The following SUGCT variants were observed in gnomAD, a reference collection of about 807,000 sequenced individuals.
The protein encoded by SUGCT is succinyl-CoA:glutarate-CoA transferase.
In SUGCT, 41 loss-of-function variants were observed where a neutral mutation model predicts 55.0. The ratio of observed to expected loss-of-function variants is 0.74; its 90% CI spans 0.58 to 0.97. The LOEUF is 0.97. SUGCT is among the 50% of genes least tolerant of loss of function. The probability of loss-of-function intolerance (pLI) is 0.00; values close to 1 mark genes in which losing one functional copy is unlikely to be tolerated. For synonymous variants in SUGCT, 187 were observed against 200.4 expected, an observed-to-expected ratio of 0.93 and a Z score of 0.56; for missense variants, 568 against 547.8, an observed-to-expected ratio of 1.04 and a Z score of -0.37.
chr7:40,832,184 G>A (rs1053212617), intron 13 of SUGCT, among the ~76,000 whole-genome samples: 2 of 152,122 alleles, frequency 1.3e-5, no homozygotes, highest in Admixed American at 6.5e-5. Flanking sequence ...ACAGAGTCCT[G>A]AAAAGTAACC....
At chr7:40,846,920 TC>T (rs1276184132) in intron 13 of SUGCT, among the ~76,000 whole-genome samples, 4 of 152,186 alleles carry the variant, frequency 2.6e-5, no homozygotes, top group Non-Finnish European at 4.4e-5. Context: ...CCTTTTAAAT[TC>T]ATTTAGTGCA....
chr7:40,861,218 G>C (rs1002764778), downstream of SUGCT, among the ~76,000 whole-genome samples: 1 of 152,170 alleles, frequency 6.6e-6, no homozygotes, highest in African/African-American at 2.4e-5. Context: ...ACCTTATTTT[G>C]AGCCAAGTGA....
chr7:40,607,356 G>A (rs1798578872), intron 12 of SUGCT, among the ~76,000 whole-genome samples: 1 of 152,096 alleles, frequency 6.6e-6, no homozygotes, highest in Non-Finnish European at 1.5e-5. Context: ...CTCTCACCTA[G>A]GCCTCCCAAG....
chr7:40,707,700 A>G (rs543878553), intron 12 of SUGCT, among the ~76,000 whole-genome samples: 1 of 152,360 alleles, frequency 6.6e-6, no homozygotes, highest in South Asian at 2.1e-4. Context: ...CCACAGGCAC[A>G]TATACCACAA....
chr7:40,360,668 G>A (rs1190479976), intron 9 of SUGCT, among the ~76,000 whole-genome samples: 1 of 152,196 alleles, frequency 6.6e-6, no homozygotes, highest in Non-Finnish European at 1.5e-5. Flanking sequence ...CTCTGTTGAA[G>A]GCAGGTGAGG....
chr7:40,439,061 G>GGTATATATATATGT lies in SUGCT; in HGVS notation c.817-10224_817-10223insATATATATATGTGT, dbSNP rs5883731. ...GTATATATATATATGGTATATATAT[G>GGTATATATATATGT]GTGTATATATATATATATATATATA... On this transcript the variant is annotated intron_variant, in intron 9 of 13. Transcript: ENST00000335693. Among the ~76,000 whole-genome samples, 44 of 51,868 alleles carry GGTATATATATATGT rather than the reference G, an allele frequency of 8.5e-4. 5 individuals are homozygous for GGTATATATATATGT. Among genetic ancestry groups the GGTATATATATATGT allele is most frequent in the African/African-American group, 1.9e-3 (16 of 8,430 alleles). 34.0% of individuals were successfully genotyped at this position (51,868 alleles called of 152,430 possible). A position where few individuals can be genotyped will look rare whatever the true frequency, so the allele number is the denominator to read the frequency against.
the SUGCT span, among the ~76,000 whole-genome samples, chr7:40,930,221 A>G: frequency 1.3e-5 from 2 of 152,190 alleles, no homozygotes; most frequent in Non-Finnish European, 2.9e-5. Context: ...GTCAAAGAAC[A>G]GACAGTTGTA....
the SUGCT span, among the ~76,000 whole-genome samples, chr7:41,012,282 G>A: frequency 6.6e-6 from 1 of 152,062 alleles, no homozygotes; most frequent in Non-Finnish European, 1.5e-5. Flanking sequence ...TTCCATCACA[G>A]CTCAAGCTCA....
At chr7:40,552,340 CT>C (rs1381581520) in intron 12 of SUGCT, among the ~76,000 whole-genome samples, 2 of 152,180 alleles carry the variant, frequency 1.3e-5, no homozygotes, top group Admixed American at 1.3e-4. Context: ...CATTTCCTGA[CT>C]GCTGTTCCTG....
At position 40,570,483 on chromosome 7, in the gene SUGCT, CAAG is replaced by C. The variant is rs574346180; in HGVS notation, c.1089+74098_1089+74100del. On this transcript the variant is annotated intron_variant, in intron 12 of 13. Coordinates refer to ENST00000335693, the MANE Select transcript of SUGCT (RefSeq NM_001193313.2). ...AGCGTGGTTAGAGCTTAATGTGAGA[CAAG>C]GAGAATGGAACAAGAAGAGACTGGA... 2.8e-3 allele frequency among the ~76,000 whole-genome samples: 432 copies of C among 152,220 alleles called. 3 individuals are homozygous for C. Among genetic ancestry groups the C allele is most frequent in the African/African-American group, 9.7e-3 (402 of 41,522 alleles).
chr7:40,970,755 T>C, the SUGCT span, among the ~76,000 whole-genome samples: 3 of 152,126 alleles, frequency 2.0e-5, no homozygotes, highest in African/African-American at 7.2e-5. Context: ...ACATGAGCAT[T>C]TGCCTGGCTG....
At chr7:40,566,866 A>C (rs560297164) in intron 12 of SUGCT, among the ~76,000 whole-genome samples, 1 of 152,328 alleles carries the variant, frequency 6.6e-6, no homozygotes, top group Non-Finnish European at 1.5e-5. Context: ...TTCCCTATAC[A>C]ACACTATTTT....
At chr7:40,725,511 C>T (rs187123589) in intron 12 of SUGCT, among the ~76,000 whole-genome samples, 51 of 151,902 alleles carry the variant, frequency 3.4e-4, no homozygotes, top group Non-Finnish European at 6.2e-4. Context: ...CTACCTATTA[C>T]GTAGGTGGCC....
chr7:40,532,608 T>A (rs927733062), intron 12 of SUGCT, among the ~76,000 whole-genome samples: 1 of 151,828 alleles, frequency 6.6e-6, no homozygotes, highest in Non-Finnish European at 1.5e-5. Flanking sequence ...TTACTTTTAA[T>A]CTGTAGTGTG....
At chr7:40,435,545 C>G (rs1290915841) in intron 9 of SUGCT, among the ~76,000 whole-genome samples, 1 of 152,144 alleles carries the variant, frequency 6.6e-6, no homozygotes, top group Non-Finnish European at 1.5e-5. Flanking sequence ...CAGATACTGT[C>G]TTAGACGCTT....
rs188800907 is a variant in SUGCT, at chr7:40,562,268, C to T, written c.1089+65882C>T. ...GAGTCGAGATCGCGTGACTGCACTCCAGCCTGGGCGACAGAGCGAGATTCC... is the reference window on the plus strand; with the variant it reads ...GAGTCGAGATCGCGTGACTGCACTCTAGCCTGGGCGACAGAGCGAGATTCC... On this transcript the variant is annotated intron_variant, in intron 12 of 13. Transcript: ENST00000335693. Among the ~76,000 whole-genome samples the T allele has an allele frequency of 3.8e-3, 557 of 148,150 alleles. 5 individuals carry two copies. The highest frequency in any genetic ancestry group is 0.013 in the African/African-American group (504 of 39,942).
intron 12 of SUGCT, among the ~76,000 whole-genome samples, chr7:40,688,833 AAGT>A (rs947211864): frequency 2.0e-4 from 31 of 152,214 alleles, no homozygotes; most frequent in African/African-American, 6.7e-4. Context: ...ATTAAATTAA[AAGT>A]AGCATATTTG....
rs549573590 is a variant in SUGCT, at chr7:40,269,482, C to G, written c.577-5031C>G. Among the ~76,000 whole-genome samples the G allele has an allele frequency of 3.9e-5, 6 of 152,116 alleles. No individual in the cohort carries two copies. In the South Asian group the frequency reaches 1.2e-3, roughly 32 times the overall value. The stretch of plus-strand genomic sequence containing the variant: ...GGACCACAGGTGTGCACCACTATGT[C>G]TGGCTAATTTTTGTATTTATCGTAG... On this transcript the variant is annotated intron_variant, in intron 7 of 13. Transcript: ENST00000335693.
intron 12 of SUGCT, among the ~76,000 whole-genome samples, chr7:40,657,701 A>AT (rs756460920): frequency 4.0e-4 from 61 of 152,040 alleles, no homozygotes; most frequent in African/African-American, 1.2e-3. Flanking sequence ...GGCCCAGCTA[A>AT]TTTTTTGTAT....
Sources: gnomAD v4.1 joint callset for allele counts (sites outside exome capture counted in the v4.1 genomes callset) on GRCh38, gnomAD v4.1.1 for gene constraint, MANE v1.5 for transcripts, NCBI Gene and HGNC (gene_info 2026-07-23, HGNC 2026-07-21) for gene names.